Variants in KIF25 observed in about 807,000 individuals in gnomAD.
KIF25 encodes the protein kinesin-like protein KIF25.
In KIF25, 19 loss-of-function variants were observed where a neutral mutation model predicts 32.9. The ratio of observed to expected loss-of-function variants is 0.58; its 90% confidence interval spans 0.40 to 0.85. The LOEUF is 0.85. Among genes scored for constraint, KIF25 ranks in the 40% least tolerant of loss-of-function variants. The probability of loss-of-function intolerance (pLI) is 0.00; values close to 1 mark genes in which losing one functional copy is unlikely to be tolerated. For synonymous variants in KIF25, 225 were observed against 213.7 expected (o/e 1.05, Z -0.46); for missense variants, 485 against 507.0 (o/e 0.96, Z 0.42).
intron 2 of KIF25, among the ~76,000 whole-genome samples, chr6:168,001,358 T>G (rs1798498791): frequency 6.6e-6 from 1 of 152,256 alleles, no homozygotes; most frequent in Admixed American, 6.5e-5. Context: ...ATGCTCAGCC[T>G]GTAGTTAATG....
chr6:168,001,172 T>C (rs1031839521), intron 2 of KIF25, among the ~76,000 whole-genome samples: 1 of 152,238 alleles, frequency 6.6e-6, no homozygotes, highest in African/African-American at 2.4e-5. Flanking sequence ...ATTCAAAATG[T>C]GTGGGACCAG....
chr6:168,014,285 A>G lies in KIF25; in HGVS notation c.-162-3688A>G, dbSNP rs1798686103. 1.3e-5 allele frequency among the ~76,000 whole-genome samples: 2 copies of G among 152,160 alleles called. 1 individual carries two copies. The highest frequency in any genetic ancestry group is 4.2e-4 in the South Asian group (2 of 4,816). Reference sequence around the variant, plus strand: ...TGGCCCCAGCCCCTGGGGAAAGCTTATTATGATTATTAACATCACTGTTTG... The same window carrying G: ...TGGCCCCAGCCCCTGGGGAAAGCTTGTTATGATTATTAACATCACTGTTTG... On this transcript the variant is annotated intron_variant, in intron 4 of 12. Transcript: ENST00000643607.
At chr6:168,014,272 C>A (rs1260225055) in intron 4 of KIF25, among the ~76,000 whole-genome samples, 1 of 152,160 alleles carries the variant, frequency 6.6e-6, no homozygotes, top group Non-Finnish European at 1.5e-5. Context: ...GCCCCAGCCC[C>A]TGGGGAAAGC....
At position 168,018,060 on chromosome 6, in the gene KIF25, T is replaced by C. The variant is rs1482265094; in HGVS notation, c.-95+20T>C. On this transcript the variant is annotated intron_variant, in intron 5 of 12. Transcript: ENST00000643607. ...TGAAAGGTAAGTGCTTTTCAAGATG[T>C]CCTATAAAGCAAACTTCCATATTAA... The C allele has an allele frequency of 6.6e-6, 1 of 152,612 alleles. No homozygotes were observed. Among genetic ancestry groups the C allele is most frequent in the Non-Finnish European group, 1.5e-5 (1 of 68,028 alleles). 9.5% of individuals were successfully genotyped at this position (152,612 alleles called of 1,614,324 possible).
In KIF25 at chr6:167,998,259, A is replaced by G. The variant is rs1798449625; in HGVS notation, c.-1210A>G. 1 of 151,962 alleles carries G rather than the reference A, an allele frequency of 6.6e-6. No individual in the cohort carries two copies. The highest frequency in any genetic ancestry group is 1.5e-5 in the Non-Finnish European group (1 of 68,014). The allele number at this position is 151,962 out of a possible 1,614,324, so 9.4% of individuals were successfully genotyped here. A position where few individuals can be genotyped will look rare whatever the true frequency, so the allele number is the denominator to read the frequency against. ...GAAGAATTGGTTGTGGAAGTTTCTG[A>G]GTGTTCCACCTCAAGCCTGGTCTCC... On this transcript the variant is annotated 5_prime_UTR_variant, in exon 1 of 13. Transcript: ENST00000643607.
chr6:168,044,245 G>T (rs9455563), intron 12 of KIF25, among the ~76,000 whole-genome samples: 3 of 136,722 alleles, frequency 2.2e-5, no homozygotes, highest in Admixed American at 1.4e-4. Context: ...TGACCCTCCC[G>T]GAGGGTGAGG....
At chr6:168,035,745 A>G in intron 8 of KIF25, 1 of 456,164 alleles carries the variant, frequency 2.2e-6, no homozygotes, top group Non-Finnish European at 4.4e-6. Flanking sequence ...CCTCCAGGGC[A>G]CAGTGATTTG....
chr6:168,011,434 T>C (rs1205090216), intron 4 of KIF25, among the ~76,000 whole-genome samples: 1 of 152,254 alleles, frequency 6.6e-6, no homozygotes, highest in African/African-American at 2.4e-5. Flanking sequence ...ATTTTATTTT[T>C]CTTTCATTTC....
At chr6:168,021,153 A>G (rs1798782264) in intron 5 of KIF25, among the ~76,000 whole-genome samples, 1 of 152,242 alleles carries the variant, frequency 6.6e-6, no homozygotes, top group Admixed American at 6.5e-5. Context: ...GAGTTCAGAA[A>G]TAAACCCACA....
At chr6:168,025,592 G>A (rs956996869) in intron 5 of KIF25, among the ~76,000 whole-genome samples, 1 of 152,138 alleles carries the variant, frequency 6.6e-6, no homozygotes, top group Admixed American at 6.5e-5. Context: ...GCAGTTTACT[G>A]TTACACACCC....
intron 12 of KIF25, among the ~76,000 whole-genome samples, 175 bp downstream of exon 12, chr6:168,042,891 T>TC (rs1799151105): frequency 6.6e-6 from 1 of 152,146 alleles, no homozygotes; most frequent in Non-Finnish European, 1.5e-5. Flanking sequence ...CTGCGCCGTC[T>TC]CACCTTGGCC....
rs140686856 is a variant in KIF25, at chr6:168,019,151, C to T, written c.-95+1111C>T. ...GTTGTTTCCAAGTAACTGCTGGCAT[C>T]CCATAATAAAGCCGAAGAAAAATTA... is the stretch of plus-strand genomic sequence containing the variant. On this transcript the variant is annotated intron_variant, in intron 5 of 12. Transcript: ENST00000643607. Among the ~76,000 whole-genome samples the T allele has an allele frequency of 3.9e-5, 6 of 152,262 alleles. No individual in the cohort carries two copies. In the East Asian group the frequency reaches 9.7e-4, roughly 25 times the overall value.
At chr6:168,011,286 A>G (rs59144366) in intron 4 of KIF25, among the ~76,000 whole-genome samples, 1 of 152,036 alleles carries the variant, frequency 6.6e-6, no homozygotes, top group Non-Finnish European at 1.5e-5. Context: ...TGGCTATACA[A>G]GTGACTTTTA....
intron 5 of KIF25, among the ~76,000 whole-genome samples, chr6:168,028,731 G>A (rs1443699607): frequency 2.6e-5 from 4 of 152,298 alleles, no homozygotes; most frequent in African/African-American, 9.6e-5. Context: ...GGAACATGCC[G>A]TGACTTTTCA....
chr6:168,016,770 G>T (rs941955636), intron 4 of KIF25, among the ~76,000 whole-genome samples: 1 of 152,202 alleles, frequency 6.6e-6, no homozygotes, highest in East Asian at 1.9e-4. Context: ...TGGACTGGAG[G>T]CAGAGGCCAG....
chr6:168,029,923 G>A (rs1798917943), intron 6 of KIF25, among the ~76,000 whole-genome samples: 1 of 152,156 alleles, frequency 6.6e-6, no homozygotes, highest in South Asian at 2.1e-4. Flanking sequence ...TGGAGGCGAA[G>A]TGGATCAACT....
chr6:168,021,249 C>T lies in KIF25; in HGVS notation c.-95+3209C>T, dbSNP rs553171336. On this transcript the variant is annotated intron_variant, in intron 5 of 12. Coordinates refer to ENST00000643607, the MANE Select transcript of KIF25 (RefSeq NM_030615.4). Reference sequence around the variant, plus strand: ...ATTTATAGTATTCTGAGATATCTACCTTCCATGTTGTTAAGAGAATTTTTC... The same window carrying T: ...ATTTATAGTATTCTGAGATATCTACTTTCCATGTTGTTAAGAGAATTTTTC... Among the ~76,000 whole-genome samples the T allele has an allele frequency of 2.0e-5, 3 of 152,286 alleles. No individual in the cohort carries two copies. The East Asian group carries it at 5.8e-4, about 29-fold the overall frequency.
intron 5 of KIF25, among the ~76,000 whole-genome samples, chr6:168,019,518 G>A (rs1252638529): frequency 2.0e-5 from 3 of 152,114 alleles, no homozygotes; most frequent in African/African-American, 2.4e-5. Flanking sequence ...GGAGAAAGAC[G>A]GGTGAGCTTG....
chr6:168,006,770 A>ATGTCTCGTT (rs144246769), intron 4 of KIF25, among the ~76,000 whole-genome samples: 53,839 of 151,746 alleles, frequency 0.35, 9,688 homozygotes, highest in Non-Finnish European at 0.39. Flanking sequence ...TGATTACCAT[A>ATGTCTCGTT]TGCGGTTCTA....
Sources: gnomAD v4.1 joint callset for allele counts (sites outside exome capture counted in the v4.1 genomes callset) on GRCh38, gnomAD v4.1.1 for gene constraint, MANE v1.5 for transcripts, NCBI Gene and HGNC (gene_info 2026-07-23, HGNC 2026-07-21) for gene names.